Variants in NRG1 observed in about 807,000 individuals in gnomAD.
NRG1 encodes the protein pro-neuregulin-1, membrane-bound isoform.
NRG1 carries 18 observed loss-of-function variants against 63.8 expected under a neutral mutation model. That is an observed-to-expected ratio of 0.28 (90% CI 0.19 to 0.42). The LOEUF is 0.42. NRG1 is among the 10% of genes least tolerant of loss of function. NRG1 has a pLI of 1.00. For missense variants in NRG1, 762 were observed against 814.7 expected (o/e 0.94, Z 0.79); for synonymous variants, 302 against 301.3 (o/e 1.00, Z -0.02).
intron 1 of NRG1, among the ~76,000 whole-genome samples, chr8:32,568,438 C>T (rs948222159): frequency 6.6e-6 from 1 of 152,110 alleles, no homozygotes; most frequent in Non-Finnish European, 1.5e-5. Context: ...CTTAAAAACT[C>T]AAGTATTATC....
chr8:32,634,099 TAAA>T (rs57478389), intron 5 of NRG1, among the ~76,000 whole-genome samples: 7 of 86,748 alleles, frequency 8.1e-5, no homozygotes, highest in Non-Finnish European at 7.9e-5. Flanking sequence ...GATCTTGTCT[TAAA>T]AAAAAAAAAA....
chr8:32,413,179 C>T (rs1483601366), intron 1 of NRG1, among the ~76,000 whole-genome samples: 1 of 152,142 alleles, frequency 6.6e-6, no homozygotes, highest in East Asian at 1.9e-4. Flanking sequence ...TATCGCAAAA[C>T]ATTTATAACA....
intron 1 of NRG1, among the ~76,000 whole-genome samples, chr8:32,483,787 C>T (rs1036894249): frequency 1.3e-5 from 2 of 152,096 alleles, no homozygotes; most frequent in East Asian, 3.9e-4. Context: ...TCACTGCCTC[C>T]AATGTCCACC....
upstream of NRG1, among the ~76,000 whole-genome samples, chr8:32,546,918 G>T (rs1366605093): frequency 6.6e-6 from 1 of 152,030 alleles, no homozygotes; most frequent in African/African-American, 2.4e-5. Context: ...TATTTAAATT[G>T]CGGCCATCAG....
chr8:32,583,085 A>G (rs1381428167), intron 1 of NRG1, among the ~76,000 whole-genome samples: 1 of 151,976 alleles, frequency 6.6e-6, no homozygotes, highest in Non-Finnish European at 1.5e-5. Context: ...GACCAAAAGT[A>G]TATGTAGTTT....
At chr8:32,180,108 G>A (rs1585887365) in intron 1 of NRG1, among the ~76,000 whole-genome samples, 1 of 151,968 alleles carries the variant, frequency 6.6e-6, no homozygotes, top group East Asian at 1.9e-4. Context: ...GTTTTGCCTT[G>A]CCAAAGAACC....
At chr8:31,975,688 G>A (rs1808048876) in intron 1 of NRG1, among the ~76,000 whole-genome samples, 1 of 152,136 alleles carries the variant, frequency 6.6e-6, no homozygotes, top group South Asian at 2.1e-4. Flanking sequence ...GTTTCTCTGG[G>A]TAATCAGATA....
chr8:32,094,749 A>G (rs1431244106), intron 1 of NRG1, among the ~76,000 whole-genome samples: 2 of 151,892 alleles, frequency 1.3e-5, no homozygotes, highest in African/African-American at 4.8e-5. Flanking sequence ...CACCTTGACA[A>G]AGTGTTTCTT....
At chr8:31,813,516 C>CTTTTCTTTTCTTTTCT in intron 1 of NRG1, among the ~76,000 whole-genome samples, 21,471 of 100,820 alleles carry the variant, frequency 0.21, 2,807 homozygotes, top group East Asian at 0.5. Context: ...CTTTTCTTTT[C>CTTTTCTTTTCTTTTCT]TTTTTTTTTT....
intron 5 of NRG1, among the ~76,000 whole-genome samples, chr8:32,697,912 A>G (rs564728638): frequency 3.9e-4 from 60 of 152,304 alleles, no homozygotes; most frequent in Admixed American, 3.5e-3. Flanking sequence ...TTAGACATCA[A>G]TATGCTGAAA....
rs185432289 is a variant in NRG1, at chr8:31,756,517, G to A, written c.37+117086G>A. Among the ~76,000 whole-genome samples the A allele has an allele frequency of 9.9e-5, 15 of 152,182 alleles. No homozygotes were observed. In the East Asian group the frequency reaches 1.6e-3, roughly 16 times the overall value. On this transcript the variant is annotated intron_variant, in intron 1 of 10. Coordinates refer to the NRG1 transcript ENST00000519301. Reference sequence around the variant, plus strand: ...ACACTGTCTGCCCATCATGGAAAGCGGAGAGCTACATGTGTGGGAAAGGGT... The same window carrying A: ...ACACTGTCTGCCCATCATGGAAAGCAGAGAGCTACATGTGTGGGAAAGGGT...
chr8:31,856,469 C>A (rs1015130903), intron 1 of NRG1, among the ~76,000 whole-genome samples: 3 of 152,172 alleles, frequency 2.0e-5, no homozygotes, highest in South Asian at 2.1e-4. Flanking sequence ...TCCATCAGCT[C>A]CTTTAAGCAC....
At chr8:32,224,108 A>G (rs553559236) in intron 1 of NRG1, among the ~76,000 whole-genome samples, 1 of 152,310 alleles carries the variant, frequency 6.6e-6, no homozygotes, top group African/African-American at 2.4e-5. Context: ...CTTTGAGTCA[A>G]TGTAAGAAGA....
At chr8:32,141,853 C>T (rs1051695301) in intron 1 of NRG1, among the ~76,000 whole-genome samples, 2 of 151,718 alleles carry the variant, frequency 1.3e-5, no homozygotes, top group African/African-American at 4.8e-5. Flanking sequence ...ATTGCTTTTC[C>T]AGTTTGAAGA....
chr8:32,220,078 G>A (rs1433032583), intron 1 of NRG1, among the ~76,000 whole-genome samples: 2 of 152,162 alleles, frequency 1.3e-5, no homozygotes, highest in Non-Finnish European at 2.9e-5. Context: ...TCAGAAAGTG[G>A]GGAAGGCGGG....
intron 1 of NRG1, among the ~76,000 whole-genome samples, chr8:32,491,734 C>A (rs984157790): frequency 2.6e-5 from 4 of 152,096 alleles, no homozygotes. Flanking sequence ...TGTGGAGTGC[C>A]CACTTGCACA....
At chr8:31,860,043 A>C (rs1356890610) in intron 1 of NRG1, among the ~76,000 whole-genome samples, 2 of 152,218 alleles carry the variant, frequency 1.3e-5, no homozygotes, top group African/African-American at 4.8e-5. Context: ...AGACATGGAT[A>C]GTTACGTCCT....
At chr8:32,073,799 A>T (rs1331293432) in intron 1 of NRG1, among the ~76,000 whole-genome samples, 5 of 152,094 alleles carry the variant, frequency 3.3e-5, no homozygotes, top group Admixed American at 2.6e-4. Flanking sequence ...GTAAATTTTA[A>T]TTTTTCATTT....
At chr8:32,419,583 C>T (rs886134780) in intron 1 of NRG1, among the ~76,000 whole-genome samples, 1 of 152,174 alleles carries the variant, frequency 6.6e-6, no homozygotes, top group Non-Finnish European at 1.5e-5. Flanking sequence ...AAAAAGAGGA[C>T]TGGGAGAGTG....
Sources: allele counts gnomAD v4.1 joint callset (sites outside exome capture counted in the v4.1 genomes callset), GRCh38; gene constraint gnomAD v4.1.1; transcripts MANE v1.5; gene names NCBI Gene and HGNC (gene_info 2026-07-23, HGNC 2026-07-21).